Variants in ZC3H4 observed in about 807,000 individuals in gnomAD.
ZC3H4 encodes zinc finger CCCH-type containing 4, also known as zinc finger CCCH domain-containing protein 4.
A neutral mutation model predicts 108.3 loss-of-function variants in ZC3H4; 13 were observed. That is an observed-to-expected ratio of 0.12 (90% CI 0.08 to 0.19). The LOEUF (loss-of-function observed/expected upper bound fraction) is 0.19. ZC3H4 is among the 10% of genes least tolerant of loss of function. ZC3H4 has a pLI of 1.00. For missense variants in ZC3H4, 1,734 were observed against 1,838.8 expected, an observed-to-expected ratio of 0.94 and a Z score of 1.04; for synonymous variants, 917 against 749.6, an observed-to-expected ratio of 1.22 and a Z score of -3.65.
At chr19:47,079,822 G>A (rs2057489884) in intron 11 of ZC3H4, among the ~76,000 whole-genome samples, 1 of 152,222 alleles carries the variant, frequency 6.6e-6, no homozygotes, top group Non-Finnish European at 1.5e-5. Context: ...AGGAGGTAGA[G>A]GTTGCAGGGA....
intron 11 of ZC3H4, among the ~76,000 whole-genome samples, chr19:47,073,496 T>C (rs1282509452): frequency 6.6e-6 from 1 of 151,992 alleles, no homozygotes; most frequent in Non-Finnish European, 1.5e-5. Context: ...CGCTTGAACC[T>C]GGGAGGCGGA....
chr19:47,067,010 T>C lies in ZC3H4; in HGVS notation c.3258A>G (p.Thr1086=). The C allele has an allele frequency of 1.9e-6, 3 of 1,596,412 alleles. No homozygotes were observed. Among genetic ancestry groups the C allele is most frequent in the Middle Eastern group, 1.7e-4 (1 of 5,972 alleles). ...CAGCCCGGGAGGAGGCCGTAGAGTC[T>C]GTGGGTTTCTGCAGCCGAGGGTCGG... ...APTDPRLQKP[T]DSTASSRAAK... is the part of the protein sequence containing the mutation. The change falls in exon 15 of 15, where the codon ACA becomes ACG. Residue 1086 remains threonine, a synonymous_variant. Transcript: ENST00000253048. This position sits in a 1 kb window ranked among gnomAD's most constrained non-coding sequence, Gnocchi z 6.4.
At chr19:47,090,299 A>ACTGTC in intron 4 of ZC3H4, 110 bp from the exon 5 acceptor site, 2 of 1,222,408 alleles carry the variant, frequency 1.6e-6, no homozygotes, top group South Asian at 2.8e-5. Flanking sequence ...GGGTGTCACT[A>ACTGTC]CTGTCCCAGG....
chr19:47,110,702 G>A (rs1222653720), intron 2 of ZC3H4, among the ~76,000 whole-genome samples: 1 of 152,224 alleles, frequency 6.6e-6, no homozygotes, highest in African/African-American at 2.4e-5. Context: ...GTCGAATAAA[G>A]CGTGTAAGCA....
Position 47,064,736 on chromosome 19 carries a change from A to AG in ZC3H4, c.*1619_*1620insC. The stretch of plus-strand genomic sequence containing the variant: ...AATGATTGTGTAAAAAAAAAAAAAA[A>AG]AAAAAAGACAAAAAGACAAACCAAC... On this transcript the variant is annotated 3_prime_UTR_variant, in exon 15 of 15. Coordinates refer to ENST00000253048, the MANE Select transcript of ZC3H4 (RefSeq NM_015168.2). 1.3e-5 allele frequency: 2 copies of AG among 151,526 alleles called. No individual in the cohort carries two copies. The allele number at this position is 151,526 out of a possible 1,614,324, so 9.4% of individuals were successfully genotyped here.
chr19:47,103,762 TAAAAAA>T (rs748735701), intron 2 of ZC3H4, among the ~76,000 whole-genome samples: 4 of 108,452 alleles, frequency 3.7e-5, no homozygotes, highest in African/African-American at 1.5e-4. Flanking sequence ...CCGTCTCTAC[TAAAAAA>T]AAAAAAAAAA....
In ZC3H4 at chr19:47,071,965, C is replaced by T. The variant is rs746699853; in HGVS notation, c.1959G>A (p.Pro653=). The T allele has an allele frequency of 1.2e-5, 20 of 1,611,814 alleles. No individual in the cohort carries two copies. The highest frequency in any genetic ancestry group is 5.5e-5 in the South Asian group (5 of 90,894). ...DMHADMHADM[P]MGPGMNPGPP... ...GGCCAGGATTCATGCCAGGGCCCAT[C>T]GGCATGTCTGCGTGCATGTCTGCGT... The change falls in exon 13 of 15, where the codon CCG becomes CCA. Residue 653 remains proline (P), a synonymous_variant. Coordinates refer to ENST00000253048, the MANE Select transcript of ZC3H4 (RefSeq NM_015168.2).
At chr19:47,076,442 G>A (rs1290841817) in intron 11 of ZC3H4, among the ~76,000 whole-genome samples, 1 of 152,208 alleles carries the variant, frequency 6.6e-6, no homozygotes, top group Non-Finnish European at 1.5e-5. Flanking sequence ...CGGTTGCCAG[G>A]CACTGGAGAT....
chr19:47,106,275 G>A (rs749282110), intron 2 of ZC3H4, among the ~76,000 whole-genome samples: 23 of 152,168 alleles, frequency 1.5e-4, no homozygotes, highest in Admixed American at 3.9e-4. Context: ...GGCCAATCCC[G>A]TGTGGAGAGA....
chr19:47,076,364 G>C (rs1310771461), intron 11 of ZC3H4, among the ~76,000 whole-genome samples: 1 of 151,972 alleles, frequency 6.6e-6, no homozygotes. Flanking sequence ...CTTAAAGCCT[G>C]TTTACCCCAT....
chr19:47,096,495 C>T (rs574266334), intron 2 of ZC3H4, among the ~76,000 whole-genome samples: 22 of 152,342 alleles, frequency 1.4e-4, no homozygotes, highest in African/African-American at 5.3e-4. Context: ...AAGGGAGAAG[C>T]TGTTACTCAG....
intron 9 of ZC3H4, among the ~76,000 whole-genome samples, chr19:47,083,214 G>A (rs999771950): frequency 5.9e-5 from 9 of 151,308 alleles, no homozygotes; most frequent in African/African-American, 2.2e-4. Context: ...GAATCCAGGA[G>A]GCAGAGCTTG....
intron 2 of ZC3H4, chr19:47,096,824 G>A: frequency 1.0e-6 from 1 of 985,448 alleles, no homozygotes; most frequent in South Asian, 4.7e-5. Flanking sequence ...GCACTGACAA[G>A]AAACTTGGTC....
intron 2 of ZC3H4, chr19:47,111,060 G>A: frequency 6.9e-6 from 2 of 291,428 alleles, no homozygotes; most frequent in Non-Finnish European, 1.0e-5. Context: ...CTAAGGAAGG[G>A]TCCTCAGCGG....
intron 13 of ZC3H4, among the ~76,000 whole-genome samples, chr19:47,070,029 G>A (rs919692221): frequency 6.6e-6 from 1 of 152,200 alleles, no homozygotes. Context: ...ACAGGCTGAC[G>A]TGGGGACGCA....
Position 47,072,501 on chromosome 19 carries a change from C to T in ZC3H4, c.1653G>A (p.Pro551=), listed in dbSNP as rs1017396998. Residue 551 remains proline (P), a synonymous_variant, in exon 12 of 15, where the codon CCG becomes CCA. Transcript: ENST00000253048. The surrounding 1 kb of genome is among the most constrained non-coding windows in gnomAD (Gnocchi z 5.6). ...PPPPPPPPPP[P]PGPPQMPMPV... is the part of the protein sequence containing the mutation. ...GCATGGGCATCTGAGGGGGCCCGGGCGGTGGGGGAGGGGGAGGGGGCGGGG... is the reference window on the plus strand; with the variant it reads ...GCATGGGCATCTGAGGGGGCCCGGGTGGTGGGGGAGGGGGAGGGGGCGGGG... The T allele has an allele frequency of 1.5e-4, 33 of 220,686 alleles. No homozygotes were observed. The highest frequency in any genetic ancestry group is 7.7e-4 in the Admixed American group (2 of 2,582). The allele number at this position is 220,686 out of a possible 1,614,324, so 13.7% of individuals were successfully genotyped here.
At chr19:47,077,505 A>T (rs2057444649) in intron 11 of ZC3H4, among the ~76,000 whole-genome samples, 1 of 151,964 alleles carries the variant, frequency 6.6e-6, no homozygotes, top group South Asian at 2.1e-4. Context: ...GAGGACACAC[A>T]AAAACATAGA....
chr19:47,069,568 G>A (rs969602688), intron 13 of ZC3H4, among the ~76,000 whole-genome samples: 12 of 152,192 alleles, frequency 7.9e-5, no homozygotes, highest in African/African-American at 2.7e-4. Context: ...GCGGGCAAAC[G>A]CTTATGAGGT....
chr19:47,098,270 A>G (rs1468302783), intron 2 of ZC3H4, among the ~76,000 whole-genome samples: 2 of 152,196 alleles, frequency 1.3e-5, no homozygotes, highest in African/African-American at 2.4e-5. Context: ...CAGGCAGATC[A>G]CTTGAGGTCA....
Sources: gnomAD v4.1 joint callset for allele counts (sites outside exome capture counted in the v4.1 genomes callset) on GRCh38, gnomAD v4.1.1 for gene constraint, Gnocchi (gnomAD v3.1) non-coding constraint, MANE v1.5 for transcripts, NCBI Gene and HGNC (gene_info 2026-07-23, HGNC 2026-07-21) for gene names.